Variants in EXOC5 observed in about 807,000 individuals in gnomAD.
EXOC5 encodes the protein exocyst complex component 5.
A neutral mutation model predicts 90.8 loss-of-function variants in EXOC5; 17 were observed. The ratio of observed to expected loss-of-function variants is 0.19; its 90% CI spans 0.13 to 0.28. The LOEUF is 0.28. Ranked by LOEUF, EXOC5 falls within the 10% of genes least tolerant of loss-of-function variation. The probability of loss-of-function intolerance (pLI) is 1.00; values close to 1 mark genes in which losing one functional copy is unlikely to be tolerated. For missense variants in EXOC5, 569 were observed against 830.6 expected (o/e 0.69, Z 3.87); for synonymous variants, 260 against 270.0 (o/e 0.96, Z 0.36).
chr14:57,215,100 T>C (rs1015723858), intron 15 of EXOC5, among the ~76,000 whole-genome samples: 2 of 151,900 alleles, frequency 1.3e-5, no homozygotes, highest in Non-Finnish European at 2.9e-5. Flanking sequence ...GGTGTGGTGG[T>C]GTGTGCCTGT....
chr14:57,224,157 TA>T (rs1292473151), intron 12 of EXOC5, among the ~76,000 whole-genome samples: 5 of 151,084 alleles, frequency 3.3e-5, no homozygotes, highest in Admixed American at 6.6e-5. Flanking sequence ...CTTAGAAAAC[TA>T]AAAAAACAGG....
At chr14:57,233,027 CA>C (rs1164740596) in intron 9 of EXOC5, 4 of 216,404 alleles carry the variant, frequency 1.8e-5, no homozygotes, top group Non-Finnish European at 3.6e-5. Flanking sequence ...TGAGGTGCAT[CA>C]AAAAAACAAA....
intron 5 of EXOC5, among the ~76,000 whole-genome samples, chr14:57,238,369 T>TACAC (rs1296416335): frequency 7.0e-5 from 7 of 99,342 alleles, no homozygotes; most frequent in East Asian, 2.7e-4. Context: ...TATATATATA[T>TACAC]ATATATACAC....
At chr14:57,247,572 T>C (rs1884067231) in intron 2 of EXOC5, 46 bp downstream of exon 2, 1 of 828,332 alleles carries the variant, frequency 1.2e-6, no homozygotes, top group Non-Finnish European at 1.9e-6. Flanking sequence ...CTAACACTAA[T>C]GTGTACCAGA....
At chr14:57,257,663 CA>C (rs1344346571) in intron 1 of EXOC5, among the ~76,000 whole-genome samples, 1 of 151,052 alleles carries the variant, frequency 6.6e-6, no homozygotes, top group Non-Finnish European at 1.5e-5. Context: ...ATGGAAGTTC[CA>C]AAAAAGCAAA....
Position 57,202,610 on chromosome 14 carries a change from G to T in EXOC5, c.*5999C>A, listed in dbSNP as rs764366295. On this transcript the variant is annotated 3_prime_UTR_variant, in exon 18 of 18. Coordinates refer to ENST00000621441, the MANE Select transcript of EXOC5 (RefSeq NM_006544.4). ...GTAGATTCTTATTAGAGTTGATAAA[G>T]GAATTCAATGTGATATATAACTAAG... is the stretch of plus-strand genomic sequence containing the variant. 4 of 152,106 alleles carry T rather than the reference G, an allele frequency of 2.6e-5. No homozygotes were observed. Among genetic ancestry groups the T allele is most frequent in the Non-Finnish European group, 5.9e-5 (4 of 68,014 alleles). The allele number at this position is 152,106 out of a possible 1,614,324, so 9.4% of individuals were successfully genotyped here.
intron 4 of EXOC5, among the ~76,000 whole-genome samples, chr14:57,242,352 C>A (rs1883894893): frequency 6.6e-6 from 1 of 151,826 alleles, no homozygotes; most frequent in Non-Finnish European, 1.5e-5. Context: ...TCAAGCAATC[C>A]TCCTGCCTCA....
chr14:57,210,465 T>C (rs1224049348), intron 15 of EXOC5, among the ~76,000 whole-genome samples: 2 of 152,116 alleles, frequency 1.3e-5, no homozygotes, highest in African/African-American at 4.8e-5. Context: ...TATTTGTACA[T>C]ACATAATAAG....
At chr14:57,222,450 A>G (rs944190527) in intron 12 of EXOC5, 34 bp from the exon 13 acceptor site, 4 of 1,244,690 alleles carry the variant, frequency 3.2e-6, no homozygotes, top group Non-Finnish European at 4.6e-6. Context: ...ATCACTCCTC[A>G]AGTCTACCTT....
chr14:57,215,067 TA>T (rs1882933467), intron 15 of EXOC5, among the ~76,000 whole-genome samples: 1 of 152,002 alleles, frequency 6.6e-6, no homozygotes, highest in Non-Finnish European at 1.5e-5. Context: ...ATGTCTCTAC[TA>T]AAAATACAAA....
At chr14:57,238,399 C>CAT (rs1883745266) in intron 5 of EXOC5, among the ~76,000 whole-genome samples, 1 of 148,874 alleles carries the variant, frequency 6.7e-6, no homozygotes, top group African/African-American at 2.4e-5. Context: ...CACACACACA[C>CAT]ACACACACAC....
At chr14:57,263,121 T>C (rs968492070) in intron 1 of EXOC5, among the ~76,000 whole-genome samples, 4 of 152,122 alleles carry the variant, frequency 2.6e-5, no homozygotes, top group African/African-American at 9.7e-5. Context: ...TCCCTGACCC[T>C]TACCCAAAAA....
chr14:57,223,765 A>AT (rs1208351667), intron 12 of EXOC5, among the ~76,000 whole-genome samples: 3 of 152,120 alleles, frequency 2.0e-5, no homozygotes, highest in South Asian at 2.1e-4. Context: ...CAGGATATAT[A>AT]TTTTTTTCAA....
Position 57,208,416 on chromosome 14 carries a change from T to C in EXOC5, c.*193A>G. The C allele has an allele frequency of 7.3e-6, 3 of 412,150 alleles. No individual in the cohort carries two copies. Among genetic ancestry groups the C allele is most frequent in the South Asian group, 1.1e-4 (1 of 9,466 alleles). The allele number at this position is 412,150 out of a possible 1,614,324, so 25.5% of individuals were successfully genotyped here. A position where few individuals can be genotyped will look rare whatever the true frequency, so the allele number is the denominator to read the frequency against. On this transcript the variant is annotated 3_prime_UTR_variant, in exon 18 of 18. Transcript: ENST00000621441. ...AATGTGAGGGGAAAAAAGCAAAATA[T>C]AGCTAGTGGTATCCAAACTTTAAAT... is the stretch of plus-strand genomic sequence containing the variant.
At position 57,267,166 on chromosome 14, in the gene EXOC5, A is replaced by C. The variant is rs572682151; in HGVS notation, c.27+1456T>G. Among the ~76,000 whole-genome samples, 7 of 152,288 alleles carry C rather than the reference A, an allele frequency of 4.6e-5. No homozygotes were observed. In the South Asian group the frequency reaches 1.4e-3, roughly 32 times the overall value. The stretch of plus-strand genomic sequence containing the variant: ...ACAGTAAAAGTTCCTAGCAGGAAAA[A>C]TGTCTCCCCGTTCTTGTGTCAATAA... On this transcript the variant is annotated intron_variant, in intron 1 of 17. Transcript: ENST00000621441.
chr14:57,246,104 T>C (rs1884025522), intron 3 of EXOC5, among the ~76,000 whole-genome samples: 1 of 151,860 alleles, frequency 6.6e-6, no homozygotes, highest in Non-Finnish European at 1.5e-5. Context: ...TGAATGGGAT[T>C]CAGAGGTTCC....
chr14:57,248,571 T>C (rs1884093499), intron 1 of EXOC5, among the ~76,000 whole-genome samples: 1 of 151,758 alleles, frequency 6.6e-6, no homozygotes, highest in African/African-American at 2.4e-5. Flanking sequence ...ATCAAGAAAA[T>C]AAAATTTCAA....
intron 1 of EXOC5, among the ~76,000 whole-genome samples, chr14:57,267,827 T>C (rs1436611915): frequency 6.6e-6 from 1 of 152,218 alleles, no homozygotes. Context: ...TTAAGGATTC[T>C]CTAGCTTGCA....
chr14:57,237,087 T>C (rs1358771540), intron 6 of EXOC5, among the ~76,000 whole-genome samples: 1 of 152,020 alleles, frequency 6.6e-6, no homozygotes, highest in Non-Finnish European at 1.5e-5. Context: ...CACATACATA[T>C]GTACACACAC....
Sources: allele counts gnomAD v4.1 joint callset (sites outside exome capture counted in the v4.1 genomes callset), GRCh38; gene constraint gnomAD v4.1.1; transcripts MANE v1.5; gene names NCBI Gene and HGNC (gene_info 2026-07-23, HGNC 2026-07-21).